The following PDHX variants were observed in gnomAD, a reference collection of about 807,000 sequenced individuals.
PDHX encodes pyruvate dehydrogenase protein X component, mitochondrial.
In PDHX, 33 loss-of-function variants were observed where a neutral mutation model predicts 55.3. The observed-to-expected ratio is 0.60, with a 90% CI of 0.45 to 0.80. PDHX has a LOEUF of 0.80. PDHX is among the 30% of genes least tolerant of loss of function. The pLI is 0.00. For missense variants in PDHX, 622 were observed against 619.9 expected (o/e 1.00, Z -0.04); for synonymous variants, 226 against 219.4 (o/e 1.03, Z -0.27).
intron 4 of PDHX, 54 bp from the exon 5 acceptor site, chr11:34,960,366 T>C (rs538108059): frequency 7.8e-6 from 9 of 1,153,920 alleles, no homozygotes; most frequent in Non-Finnish European, 3.9e-6. Context: ...TAGATCTATT[T>C]GAATCAAATG....
chr11:34,947,473 A>T (rs1289893646), intron 2 of PDHX, 33 bp from the exon 3 acceptor site: 9 of 1,446,122 alleles, frequency 6.2e-6, no homozygotes, highest in East Asian at 4.5e-5. Flanking sequence ...TTTATATTTT[A>T]AAAAACAAAA....
rs561801739 is a variant in PDHX at position 34,983,881 on chromosome 11, A to T, written c.1024-689A>T. ...AATTTATAGATTCAATGCCATCCCC[A>T]TCAAGCTACCAATGAGTTTCTTCAA... On this transcript the variant is annotated intron_variant, in intron 8 of 10. Transcript: ENST00000227868. 2.8e-4 allele frequency among the ~76,000 whole-genome samples: 42 copies of T among 152,250 alleles called. 1 individual carries two copies. Among genetic ancestry groups the T allele is most frequent in the South Asian group, 6.2e-4 (3 of 4,830 alleles).
At chr11:34,955,490 A>G (rs572139750) in intron 3 of PDHX, among the ~76,000 whole-genome samples, 93 of 152,300 alleles carry the variant, frequency 6.1e-4, no homozygotes, top group Admixed American at 1.3e-3. Flanking sequence ...TATATATTCA[A>G]GTTGTATGGT....
At position 34,995,476 on chromosome 11, in the gene PDHX, G is replaced by A; in HGVS notation, c.*304G>A. The A allele has an allele frequency of 2.9e-6, 1 of 350,284 alleles. No homozygotes were observed. The highest frequency in any genetic ancestry group is 5.4e-6 in the Non-Finnish European group (1 of 183,610). 21.7% of individuals were successfully genotyped at this position (350,284 alleles called of 1,614,324 possible). On this transcript the variant is annotated 3_prime_UTR_variant, in exon 11 of 11. Coordinates refer to ENST00000227868, the MANE Select transcript of PDHX (RefSeq NM_003477.3). ...TAGATGTAAATCAAAGTATATGTTT[G>A]GCTCATTTGAGCATTTTGGAATATT...
intron 9 of PDHX, among the ~76,000 whole-genome samples, chr11:34,988,362 G>C (rs1343995523): frequency 6.6e-6 from 1 of 151,926 alleles, no homozygotes; most frequent in African/African-American, 2.4e-5. Context: ...AGCAACTGAT[G>C]GGAAAAAAGA....
intron 2 of PDHX, among the ~76,000 whole-genome samples, chr11:34,945,839 A>G (rs925078910): frequency 3.3e-5 from 5 of 152,190 alleles, no homozygotes; most frequent in Non-Finnish European, 5.9e-5. Context: ...GATTTAGAAC[A>G]TTCTTAGCAA....
chr11:34,975,777 A>T (rs769460113), intron 7 of PDHX, among the ~76,000 whole-genome samples: 26 of 152,110 alleles, frequency 1.7e-4, no homozygotes, highest in Non-Finnish European at 3.5e-4. Context: ...AGCTCAAGAA[A>T]AGTTACGATT....
intron 2 of PDHX, among the ~76,000 whole-genome samples, chr11:34,946,160 A>G (rs764842121): frequency 2.0e-5 from 3 of 152,000 alleles, no homozygotes; most frequent in African/African-American, 4.8e-5. Context: ...CTACCTTTCA[A>G]TTTACTAATT....
At chr11:34,990,402 A>G (rs553887757) in intron 9 of PDHX, among the ~76,000 whole-genome samples, 82 of 152,254 alleles carry the variant, frequency 5.4e-4, no homozygotes, top group African/African-American at 1.8e-3. Flanking sequence ...TTCCATACCT[A>G]TTTCAGACTT....
chr11:34,963,243 T>C (rs1855058254), intron 5 of PDHX, among the ~76,000 whole-genome samples: 1 of 152,140 alleles, frequency 6.6e-6, no homozygotes, highest in South Asian at 2.1e-4. Flanking sequence ...CCCCAAAATA[T>C]CTTAGCACAC....
chr11:34,983,700 A>C (rs940319260), intron 8 of PDHX, among the ~76,000 whole-genome samples: 17 of 152,276 alleles, frequency 1.1e-4, no homozygotes, highest in African/African-American at 3.9e-4. Context: ...TAAAATACCT[A>C]GGAATCCAAC....
rs76074661 is a variant in PDHX, at chr11:34,978,115, T to G, written c.965-9T>G. On this transcript the variant is annotated splice_polypyrimidine_tract_variant and intron_variant, in intron 7 of 10. Coordinates refer to ENST00000227868, the MANE Select transcript of PDHX (RefSeq NM_003477.3). The stretch of plus-strand genomic sequence containing the variant: ...AATACTAATTTTACTAACCTTATTT[T>G]TCTTTCAGATGACATTAAAGTATCA... 1.9e-5 allele frequency: 28 copies of G among 1,488,102 alleles called. No homozygotes were observed. Among genetic ancestry groups the G allele is most frequent in the Non-Finnish European group, 2.5e-5 (27 of 1,066,922 alleles). 92.2% of individuals were successfully genotyped at this position (1,488,102 alleles called of 1,614,324 possible).
chr11:34,972,230 T>G (rs12280293), intron 7 of PDHX, among the ~76,000 whole-genome samples: 11,405 of 151,948 alleles, frequency 0.075, 439 homozygotes, highest in African/African-American at 0.091. Context: ...TTTCTGTTCT[T>G]TATTTTTTTT....
chr11:34,975,891 T>C (rs949525987), intron 7 of PDHX, among the ~76,000 whole-genome samples: 2 of 152,224 alleles, frequency 1.3e-5, no homozygotes, highest in African/African-American at 2.4e-5. Flanking sequence ...TCAGTTTATA[T>C]ACAGAGTTTC....
At position 34,979,409 on chromosome 11, in the gene PDHX, A is replaced by G. The variant is rs114215592; in HGVS notation, c.1023+1227A>G. ...GCTTCCTGCCTTCCTGCCTGGCACT[A>G]TTTTTCATCATGCCTCCTTTCTGTA... On this transcript the variant is annotated intron_variant, in intron 8 of 10. Transcript: ENST00000227868. Among the ~76,000 whole-genome samples the G allele has an allele frequency of 3.1e-3, 475 of 152,078 alleles. 2 individuals carry two copies. The highest frequency in any genetic ancestry group is 0.011 in the African/African-American group (459 of 41,474).
At chr11:34,934,431 G>A (rs538877577) in intron 2 of PDHX, among the ~76,000 whole-genome samples, 5 of 152,170 alleles carry the variant, frequency 3.3e-5, no homozygotes, top group Admixed American at 1.3e-4. Context: ...AAGAGCCCGG[G>A]GGAGGAAGGT....
upstream of PDHX, chr11:34,916,257 C>T (rs1186016058): frequency 1.2e-6 from 2 of 1,612,628 alleles, no homozygotes; most frequent in African/African-American, 1.3e-5. Context: ...GAACAACAGT[C>T]TCCCTCCCGA....
Position 34,931,361 on chromosome 11 carries a change from G to A in PDHX, c.161-43G>A, listed in dbSNP as rs1047368577. 11 of 1,003,766 alleles carry A rather than the reference G, an allele frequency of 1.1e-5. No individual in the cohort carries two copies. In the African/African-American group the frequency reaches 1.1e-4, roughly 10 times the overall value. 62.2% of individuals were successfully genotyped at this position (1,003,766 alleles called of 1,614,324 possible). The stretch of plus-strand genomic sequence containing the variant: ...AACTTATATTGATGCCTCATGAGGT[G>A]CATTATTTGTTGTGGCTCATCTTTC... On this transcript the variant is annotated intron_variant, in intron 1 of 10. Coordinates refer to ENST00000227868, the MANE Select transcript of PDHX (RefSeq NM_003477.3).
chr11:34,964,424 T>C (rs1455957206), intron 5 of PDHX, among the ~76,000 whole-genome samples: 2 of 151,966 alleles, frequency 1.3e-5, no homozygotes, highest in Non-Finnish European at 2.9e-5. Flanking sequence ...GCCAACATGG[T>C]AAAACCCCAT....
Sources: gnomAD v4.1 joint callset for allele counts (sites outside exome capture counted in the v4.1 genomes callset) on GRCh38, gnomAD v4.1.1 for gene constraint, MANE v1.5 for transcripts, NCBI Gene and HGNC (gene_info 2026-07-23, HGNC 2026-07-21) for gene names.